MSTO1: variants seen among roughly 807,000 people sequenced by gnomAD.
MSTO1 encodes the protein protein misato homolog 1.
A neutral mutation model predicts 55.7 loss-of-function variants in MSTO1; 24 were observed. That is an observed-to-expected ratio of 0.43 (90% CI 0.31 to 0.61). The LOEUF (loss-of-function observed/expected upper bound fraction) is 0.61, where lower values mean the gene tolerates loss of function less well. MSTO1 is among the 20% of genes least tolerant of loss of function. MSTO1 has a pLI of 0.09. For missense variants in MSTO1, 363 were observed against 625.7 expected (o/e 0.58, Z 4.48); for synonymous variants, 162 against 252.8 (o/e 0.64, Z 3.41).
chr1:155,586,233 G>C, the MSTO1 span, among the ~76,000 whole-genome samples: 1 of 136,432 alleles, frequency 7.3e-6, no homozygotes, highest in African/African-American at 2.7e-5. Context: ...GTTAGAGACA[G>C]GGTTTCACCA....
chr1:155,584,050 G>C, the MSTO1 span, among the ~76,000 whole-genome samples: 1 of 152,172 alleles, frequency 6.6e-6, no homozygotes, highest in Non-Finnish European at 1.5e-5. Context: ...TTGAATGACT[G>C]AGTTTAGGAG....
upstream of MSTO1, among the ~76,000 whole-genome samples, chr1:155,608,020 TATA>T (rs1352280752): frequency 1.3e-5 from 2 of 151,998 alleles, no homozygotes; most frequent in African/African-American, 4.8e-5. Context: ...CAAAACTAAA[TATA>T]ATACATGTGA....
At chr1:155,585,048 A>C in the MSTO1 span, among the ~76,000 whole-genome samples, 2 of 152,134 alleles carry the variant, frequency 1.3e-5, no homozygotes, top group African/African-American at 4.8e-5. Context: ...GGCATGAGCC[A>C]CCATATCCAG....
the MSTO1 span, chr1:155,602,029 CA>C: frequency 9.6e-6 from 5 of 523,242 alleles, no homozygotes; most frequent in Non-Finnish European, 1.9e-5. Context: ...GCTGGGATTA[CA>C]GGTATGAGCC....
the MSTO1 span, chr1:155,601,994 T>G: frequency 2.4e-6 from 1 of 421,108 alleles, no homozygotes; most frequent in African/African-American, 2.1e-5. Flanking sequence ...GACCTCGTGA[T>G]CCGCCCACCT....
rs1236018309 is a variant in MSTO1, at chr1:155,611,284, G to C, written c.359G>C (p.Ser120Thr). 6.2e-7 allele frequency: 1 copy of C among 1,613,456 alleles called. No homozygotes were observed. Among genetic ancestry groups the C allele is most frequent in the Non-Finnish European group, 8.5e-7 (1 of 1,179,762 alleles). The change falls in exon 4 of 14, where the codon AGT (serine) becomes ACT (threonine). Residue 120 changes from serine to threonine, a missense_variant. Physicochemically the swap from Ser to Thr is moderately conservative, Grantham distance 58. Coordinates refer to ENST00000245564, the MANE Select transcript of MSTO1 (RefSeq NM_018116.4). ...PKNPYLQDFL[S>T]AEGVLSSDGV... Reference sequence around the variant, plus strand: ...AACCCTTATCTCCAAGACTTTCTGAGTGCAGAGGTGAGGGCCTCTGTCCTG... The same window carrying C: ...AACCCTTATCTCCAAGACTTTCTGACTGCAGAGGTGAGGGCCTCTGTCCTG...
chr1:155,572,245 C>T, the MSTO1 span, among the ~76,000 whole-genome samples: 1 of 152,076 alleles, frequency 6.6e-6, no homozygotes, highest in Non-Finnish European at 1.5e-5. Context: ...CCCTTCCCTC[C>T]CTCAGCTGTG....
the MSTO1 span, among the ~76,000 whole-genome samples, chr1:155,583,240 T>A: frequency 5.6e-4 from 83 of 148,666 alleles, 1 homozygote; most frequent in African/African-American, 2.0e-3. Context: ...TTTTTTTTTT[T>A]ACTTGAAAAC....
intron 4 of MSTO1, 115 bp from the exon 5 acceptor site, chr1:155,611,434 A>G (rs778335947): frequency 7.5e-6 from 12 of 1,605,532 alleles, no homozygotes; most frequent in Non-Finnish European, 1.0e-5. Context: ...AAGGACTGCG[A>G]CTCGGTGAAC....
intron 11 of MSTO1, 112 bp downstream of exon 11, chr1:155,613,345 AG>A (rs1674754354): frequency 1.9e-6 from 3 of 1,566,040 alleles, no homozygotes; most frequent in Non-Finnish European, 2.6e-6. Context: ...CCCCTTAAAA[AG>A]GAAAAAAAAA....
chr1:155,604,731 T>G, the MSTO1 span, among the ~76,000 whole-genome samples: 9 of 152,028 alleles, frequency 5.9e-5, no homozygotes, highest in East Asian at 1.7e-3. Flanking sequence ...CAAAATTAGC[T>G]GGGTGTGATG....
the MSTO1 span, chr1:155,590,663 A>T: frequency 7.0e-7 from 1 of 1,430,476 alleles, no homozygotes; most frequent in East Asian, 2.3e-5. Context: ...GCAGATGTCC[A>T]GTAGCGGGCC....
the MSTO1 span, among the ~76,000 whole-genome samples, chr1:155,584,916 T>TTTTG: frequency 1.9e-4 from 28 of 147,562 alleles, no homozygotes; most frequent in South Asian, 4.3e-4. Flanking sequence ...TTTTTTTTTG[T>TTTTG]TTTGTTTGTT....
At chr1:155,583,398 G>T in the MSTO1 span, among the ~76,000 whole-genome samples, 1 of 151,652 alleles carries the variant, frequency 6.6e-6, no homozygotes, top group Admixed American at 6.6e-5. Context: ...ATAGCCACGA[G>T]GTGGTTGCAC....
chr1:155,565,944 A>G, the MSTO1 span: 1 of 152,230 alleles, frequency 6.6e-6, no homozygotes, highest in African/African-American at 2.4e-5. Context: ...TTACATGACC[A>G]GGGAAAATTC....
At position 155,614,796 on chromosome 1, in the gene MSTO1, A is replaced by G; in HGVS notation, c.*523A>G. The G allele has an allele frequency of 3.2e-6, 5 of 1,565,186 alleles. No individual in the cohort carries two copies. Among genetic ancestry groups the G allele is most frequent in the South Asian group, 1.2e-5 (1 of 86,730 alleles). The stretch of plus-strand genomic sequence containing the variant: ...GGTCTGCATTGCTGGTACTGGTTGC[A>G]TCATCCTCATCCTCAGAGCTGGCTT... On this transcript the variant is annotated 3_prime_UTR_variant, in exon 14 of 14. Coordinates refer to ENST00000245564, the MANE Select transcript of MSTO1 (RefSeq NM_018116.4).
chr1:155,612,883 G>T lies in MSTO1; in HGVS notation c.1006G>T (p.Ala336Ser). 1 of 1,613,952 alleles carries T rather than the reference G, an allele frequency of 6.2e-7. No individual in the cohort carries two copies. The highest frequency in any genetic ancestry group is 8.5e-7 in the Non-Finnish European group (1 of 1,179,846). Residue 336 changes from alanine to serine, a missense_variant, in exon 10 of 14, where the codon GCC becomes TCC. Physicochemically the swap from Ala to Ser is moderately conservative, Grantham distance 99 (BLOSUM62 1). Around this residue, in one of 3 missense-constraint regions of MSTO1, gnomAD observed 231 missense variants for 286.9 expected, o/e 0.81. Coordinates refer to ENST00000245564, the MANE Select transcript of MSTO1 (RefSeq NM_018116.4). Reference sequence around the variant, plus strand: ...CCACTGCAGTGCCATCCTGGCTACAGCCCTGGACACAGTCACTGTTCCTTA... The same window carrying T: ...CCACTGCAGTGCCATCCTGGCTACATCCCTGGACACAGTCACTGTTCCTTA... ...PFHCSAILAT[A>S]LDTVTVPYRL...
At chr1:155,613,348 A>T in intron 11 of MSTO1, 114 bp from the exon 12 acceptor site, 1 of 1,361,650 alleles carries the variant, frequency 7.3e-7, no homozygotes, top group South Asian at 1.4e-5. Flanking sequence ...CTTAAAAAGG[A>T]AAAAAAAAAG....
At chr1:155,581,113 T>G in the MSTO1 span, among the ~76,000 whole-genome samples, 1 of 152,102 alleles carries the variant, frequency 6.6e-6, no homozygotes, top group Non-Finnish European at 1.5e-5. Context: ...TGGGATTTGT[T>G]TATCTACATT....
Sources: gnomAD v4.1 joint callset for allele counts (sites outside exome capture counted in the v4.1 genomes callset) on GRCh38, gnomAD v4.1.1 for gene constraint, gnomAD v4.1.1 regional missense constraint, MANE v1.5 for transcripts, NCBI Gene and HGNC (gene_info 2026-07-23, HGNC 2026-07-21) for gene names.